TACC2: variants seen among roughly 807,000 people sequenced by gnomAD.
TACC2 encodes transforming acidic coiled-coil-containing protein 2.
In TACC2, 137 loss-of-function variants were observed where a neutral mutation model predicts 227.3. The observed-to-expected ratio is 0.60, with a 90% confidence interval of 0.52 to 0.69. The LOEUF is 0.69. Among genes scored for constraint, TACC2 ranks in the 30% least tolerant of loss-of-function variants. The probability of loss-of-function intolerance (pLI) is 0.00; values close to 1 mark genes in which losing one functional copy is unlikely to be tolerated. For missense variants in TACC2, 3,470 were observed against 3,694.4 expected (o/e 0.94, Z 1.57); for synonymous variants, 1,523 against 1,487.5 (o/e 1.02, Z -0.55).
At chr10:122,059,893 G>C (rs1159612334) in intron 3 of TACC2, among the ~76,000 whole-genome samples, 1 of 152,146 alleles carries the variant, frequency 6.6e-6, no homozygotes, top group Non-Finnish European at 1.5e-5. Flanking sequence ...GCAAAGCTTT[G>C]ACCCCACTCC....
chr10:122,069,791 A>G (rs1219290418), intron 3 of TACC2, among the ~76,000 whole-genome samples: 3 of 152,222 alleles, frequency 2.0e-5, no homozygotes, highest in South Asian at 2.1e-4. Flanking sequence ...GAAAAAAAGA[A>G]TAAGAGACAA....
intron 6 of TACC2, among the ~76,000 whole-genome samples, chr10:122,139,099 G>A (rs753647582): frequency 6.6e-6 from 1 of 152,220 alleles, no homozygotes; most frequent in Non-Finnish European, 1.5e-5. Flanking sequence ...CTCGCCTATG[G>A]TTTTGGGATG....
intron 5 of TACC2, among the ~76,000 whole-genome samples, chr10:122,121,571 G>A (rs2085804834): frequency 6.6e-6 from 1 of 152,186 alleles, no homozygotes. Flanking sequence ...CATCACAGGA[G>A]TATCTAAAAA....
chr10:122,176,133 A>C (rs898568514), intron 7 of TACC2, among the ~76,000 whole-genome samples: 5 of 145,690 alleles, frequency 3.4e-5, no homozygotes, highest in African/African-American at 5.1e-5. Context: ...ATATATATAT[A>C]TATATATATA....
rs576514786 is a variant in TACC2 at position 122,143,383 on chromosome 10, C to G, written c.5700-189C>G. Among the ~76,000 whole-genome samples, 66 of 150,456 alleles carry G rather than the reference C, an allele frequency of 4.4e-4. 1 individual carries two copies. The highest frequency in any genetic ancestry group is 1.5e-3 in the African/African-American group (63 of 41,048). ...TAAGGGCCTGGCCTGGGAGCCACTTCGTTGCAGCCACAGGCCCTGCTGTGC... is the reference window on the plus strand; with the variant it reads ...TAAGGGCCTGGCCTGGGAGCCACTTGGTTGCAGCCACAGGCCCTGCTGTGC... On this transcript the variant is annotated intron_variant, in intron 6 of 22. Transcript: ENST00000369005.
chr10:122,241,712 A>G (rs2095999202), intron 18 of TACC2: 3 of 568,506 alleles, frequency 5.3e-6, no homozygotes, highest in Non-Finnish European at 9.5e-6. Context: ...GCAGGCATGC[A>G]CCACTCTACC....
At chr10:122,056,335 C>T (rs925107855) in intron 3 of TACC2, among the ~76,000 whole-genome samples, 4 of 152,114 alleles carry the variant, frequency 2.6e-5, no homozygotes, top group South Asian at 2.1e-4. Flanking sequence ...CCACCATGCC[C>T]GGCTAATTTT....
chr10:122,132,685 T>G lies in TACC2; in HGVS notation c.5650T>G (p.Tyr1884Asp). 6.2e-7 allele frequency: 1 copy of G among 1,614,226 alleles called. No individual in the cohort carries two copies. Among genetic ancestry groups the G allele is most frequent in the African/African-American group, 1.3e-5 (1 of 75,066 alleles). Residue 1884 changes from tyrosine (Y) to aspartate (D), a missense_variant, in exon 6 of 23, where the codon TAC becomes GAC. Physicochemically the swap from Tyr to Asp is radical, Grantham distance 160. Transcript: ENST00000369005. The stretch of plus-strand genomic sequence containing the variant: ...AAGCCCAACCTTAGCTGCCTCTTCC[T>G]ACCACGGTGATGTTGTTGGCCAGGT... ...LESPTLAASSYHGDVVGQVST... is the reference protein window; with the variant it reads ...LESPTLAASSDHGDVVGQVST...
chr10:122,124,594 G>T (rs1372211034), intron 5 of TACC2, among the ~76,000 whole-genome samples: 1 of 152,220 alleles, frequency 6.6e-6, no homozygotes, highest in African/African-American at 2.4e-5. Context: ...GCTGCCTGAT[G>T]CTGCCGAAGT....
intron 8 of TACC2, among the ~76,000 whole-genome samples, chr10:122,200,139 G>A (rs138135139): frequency 1.3e-5 from 2 of 152,370 alleles, no homozygotes; most frequent in African/African-American, 2.4e-5. Context: ...CACAATGTGA[G>A]TGTTTCATGG....
At chr10:122,039,199 C>T (rs2073953498) in intron 2 of TACC2, among the ~76,000 whole-genome samples, 1 of 152,196 alleles carries the variant, frequency 6.6e-6, no homozygotes, top group South Asian at 2.1e-4. Flanking sequence ...TGGTCTCGAA[C>T]TCCTGACCTG....
chr10:122,108,008 C>T (rs1419664579), intron 5 of TACC2, among the ~76,000 whole-genome samples: 1 of 150,174 alleles, frequency 6.7e-6, no homozygotes, highest in Non-Finnish European at 1.5e-5. Context: ...TCTCCCTCCT[C>T]AGCCTCCCGA....
intron 7 of TACC2, among the ~76,000 whole-genome samples, chr10:122,160,133 C>T (rs2092729873): frequency 6.6e-6 from 1 of 152,228 alleles, no homozygotes; most frequent in African/African-American, 2.4e-5. Flanking sequence ...AGGCCAGGCA[C>T]ATAATAGGTG....
chr10:122,162,319 G>T (rs987830577), intron 7 of TACC2, among the ~76,000 whole-genome samples: 1 of 152,144 alleles, frequency 6.6e-6, no homozygotes, highest in Non-Finnish European at 1.5e-5. Flanking sequence ...TGGCCACGTC[G>T]CTAGAAAACA....
intron 1 of TACC2, among the ~76,000 whole-genome samples, chr10:122,019,148 C>G (rs1957038206): frequency 6.6e-6 from 1 of 152,218 alleles, no homozygotes; most frequent in African/African-American, 2.4e-5. Flanking sequence ...CACCGGAGGT[C>G]CACAGGGCCT....
intron 6 of TACC2, among the ~76,000 whole-genome samples, chr10:122,136,649 G>T (rs1386117757): frequency 1.3e-5 from 2 of 151,730 alleles, no homozygotes. Context: ...GCCCCCTGGG[G>T]CTCAAGCAAT....
intron 7 of TACC2, among the ~76,000 whole-genome samples, chr10:122,186,403 A>T (rs990672888): frequency 6.6e-6 from 1 of 152,104 alleles, no homozygotes; most frequent in African/African-American, 2.4e-5. Flanking sequence ...CTGAGGCAGG[A>T]GGATCTCGTG....
In TACC2 at chr10:122,082,858, G is replaced by T. The variant is rs763092038; in HGVS notation, c.358G>T (p.Gly120Cys). ...GCCCTTTGCCGAGTGTCCCCCGGAA[G>T]GTTGCTTGGCAAGTCCAGCAGCGGC... is the stretch of plus-strand genomic sequence containing the variant. Reference protein sequence around the residue: ...SMPFAECPPEGCLASPAAAPE... With the variant: ...SMPFAECPPECCLASPAAAPE... The change falls in exon 4 of 23, where the codon GGT (glycine) becomes TGT (cysteine). Residue 120 changes from glycine to cysteine, a missense_variant. Coordinates refer to ENST00000369005, the MANE Select transcript of TACC2 (RefSeq NM_206862.4). 2 of 1,613,550 alleles carry T rather than the reference G, an allele frequency of 1.2e-6. No individual in the cohort carries two copies. The highest frequency in any genetic ancestry group is 2.2e-5 in the East Asian group (1 of 44,854).
At position 122,150,084 on chromosome 10, in the gene TACC2, C is replaced by T. The variant is rs1388939050; in HGVS notation, c.5834+6378C>T. Among the ~76,000 whole-genome samples, 1 of 152,172 alleles carries T rather than the reference C, an allele frequency of 6.6e-6. No homozygotes were observed. The highest frequency in any genetic ancestry group is 2.4e-5 in the African/African-American group (1 of 41,448). On this transcript the variant is annotated intron_variant, in intron 7 of 22. Coordinates refer to ENST00000369005, the MANE Select transcript of TACC2 (RefSeq NM_206862.4). This position sits in a 1 kb window ranked among gnomAD's most constrained non-coding sequence, Gnocchi z 4.0. ...AGTTAGATGGTGGCTCCCTCAGTTC[C>T]GTGGGCCCAGGTCTGCAGTTCTTTT...
Sources: gnomAD v4.1 joint callset for allele counts (sites outside exome capture counted in the v4.1 genomes callset) on GRCh38, gnomAD v4.1.1 for gene constraint, Gnocchi (gnomAD v3.1) non-coding constraint, MANE v1.5 for transcripts, NCBI Gene and HGNC (gene_info 2026-07-23, HGNC 2026-07-21) for gene names.